Variants in SETD5 observed in about 807,000 individuals in gnomAD.
SETD5 encodes SET domain containing 5.
Under a neutral mutation model 153.3 loss-of-function variants are expected in SETD5, and 44 were observed. The observed-to-expected ratio is 0.29, with a 90% CI of 0.23 to 0.37. The LOEUF (loss-of-function observed/expected upper bound fraction) is 0.37, where lower values mean the gene tolerates loss of function less well. SETD5 is among the 10% of genes least tolerant of loss of function. The probability of loss-of-function intolerance (pLI) is 1.00; values close to 1 mark genes in which losing one functional copy is unlikely to be tolerated. For synonymous variants in SETD5, 716 were observed against 645.2 expected (o/e 1.11, Z -1.66); for missense variants, 1,544 against 1,768.0 (o/e 0.87, Z 2.27).
chr3:9,441,116 G>C (rs1224206227), intron 8 of SETD5, among the ~76,000 whole-genome samples: 1 of 152,108 alleles, frequency 6.6e-6, no homozygotes, highest in African/African-American at 2.4e-5. Flanking sequence ...GGGAGGCTGA[G>C]GTGGAAGGAT....
chr3:9,445,927 T>C (rs1273302584), intron 13 of SETD5, among the ~76,000 whole-genome samples, 187 bp downstream of exon 13: 2 of 151,286 alleles, frequency 1.3e-5, no homozygotes, highest in Admixed American at 6.6e-5. Flanking sequence ...CACAGTAGTT[T>C]TGTAGTGATT....
chr3:9,467,039 A>G (rs114290955), intron 18 of SETD5, among the ~76,000 whole-genome samples: 2 of 151,800 alleles, frequency 1.3e-5, no homozygotes, highest in South Asian at 2.1e-4. Context: ...AAAATAATTT[A>G]AAGACCAGCT....
chr3:9,462,473 G>A (rs2044077501), intron 17 of SETD5, among the ~76,000 whole-genome samples: 1 of 151,570 alleles, frequency 6.6e-6, no homozygotes, highest in Non-Finnish European at 1.5e-5. Flanking sequence ...TGTAGTCCCA[G>A]CTACTCGGGA....
Position 9,476,183 on chromosome 3 carries a change from A to C in SETD5, c.*92A>C, listed in dbSNP as rs2045837403. ...ACCTAGGCCGAGCATATTGCTGAGG[A>C]ACGGGGGGTACAAGGTGCCAGAGGA... On this transcript the variant is annotated 3_prime_UTR_variant, in exon 23 of 23. Coordinates refer to ENST00000402198, the MANE Select transcript of SETD5 (RefSeq NM_001080517.3). 6.8e-7 allele frequency: 1 copy of C among 1,471,174 alleles called. No individual in the cohort carries two copies. Among genetic ancestry groups the C allele is most frequent in the Non-Finnish European group, 9.1e-7 (1 of 1,104,458 alleles). 91.1% of individuals were successfully genotyped at this position (1,471,174 alleles called of 1,614,324 possible). A position where few individuals can be genotyped will look rare whatever the true frequency, so the allele number is the denominator to read the frequency against.
chr3:9,409,011 G>A (rs571235750), intron 1 of SETD5, among the ~76,000 whole-genome samples: 10 of 152,252 alleles, frequency 6.6e-5, no homozygotes, highest in African/African-American at 2.4e-4. Flanking sequence ...GAAGACAGCT[G>A]CTTTCTCATA....
intron 10 of SETD5, 194 bp from the exon 11 acceptor site, chr3:9,443,114 T>G (rs377708634): frequency 2.7e-5 from 13 of 483,138 alleles, no homozygotes; most frequent in Admixed American, 2.5e-4. Context: ...TTTAAGAAAG[T>G]ATTATAAATT....
At chr3:9,463,271 C>T (rs1292712964) in intron 17 of SETD5, among the ~76,000 whole-genome samples, 1 of 152,182 alleles carries the variant, frequency 6.6e-6, no homozygotes, top group East Asian at 1.9e-4. Context: ...ATCTGCCTGC[C>T]TCAGCCTCCC....
chr3:9,403,396 C>T (rs2035145373), intron 1 of SETD5, among the ~76,000 whole-genome samples: 1 of 152,150 alleles, frequency 6.6e-6, no homozygotes, highest in African/African-American at 2.4e-5. Context: ...AATACTCTAT[C>T]TGAATAAAAA....
chr3:9,408,023 GTAGA>G (rs926254905), intron 1 of SETD5, among the ~76,000 whole-genome samples: 54 of 152,010 alleles, frequency 3.6e-4, no homozygotes, highest in African/African-American at 1.3e-3. Flanking sequence ...TTAATCTTGT[GTAGA>G]TAGTGACCAC....
intron 3 of SETD5, 121 bp downstream of exon 3, chr3:9,429,130 A>T (rs1190621933): frequency 1.7e-6 from 1 of 594,772 alleles, no homozygotes; most frequent in Non-Finnish European, 2.9e-6. Flanking sequence ...CACTGTAATT[A>T]ACATTAGACC....
In SETD5 at chr3:9,475,491, G is replaced by A; in HGVS notation, c.3729G>A (p.Gln1243=). The part of the protein sequence containing the change: ...SPSRYSYQLL[Q]CDSPRTESQS... ...CTCCCAACTTTGTCTAGCTCCTGCA[G>A]TGTGATAGTCCTCGGACAGAATCAC... The change falls in exon 23 of 23, where the codon CAG becomes CAA. Residue 1243 remains glutamine, a synonymous_variant. Coordinates refer to ENST00000402198, the MANE Select transcript of SETD5 (RefSeq NM_001080517.3). 6.2e-7 allele frequency: 1 copy of A among 1,610,512 alleles called. No individual in the cohort carries two copies. Among genetic ancestry groups the A allele is most frequent in the East Asian group, 2.2e-5 (1 of 44,780 alleles).
Position 9,475,702 on chromosome 3 carries a change from T to A in SETD5, c.3940T>A (p.Phe1314Ile), listed in dbSNP as rs766805190. 24 of 1,613,840 alleles carry A rather than the reference T, an allele frequency of 1.5e-5. No individual in the cohort carries two copies. The highest frequency in any genetic ancestry group is 2.0e-5 in the Non-Finnish European group (24 of 1,179,874). Residue 1314 changes from phenylalanine (F) to isoleucine (I), a missense_variant, in exon 23 of 23, where the codon TTT (phenylalanine) becomes ATT (isoleucine). Coordinates refer to ENST00000402198, the MANE Select transcript of SETD5 (RefSeq NM_001080517.3). Reference sequence around the variant, plus strand: ...TGTGTCCACAGACTCGTTGGCCCCATTTACGGGGACACCAGGGTATTTTAG... The same window carrying A: ...TGTGTCCACAGACTCGTTGGCCCCAATTACGGGGACACCAGGGTATTTTAG... Reference protein sequence around the residue: ...HPVSTDSLAPFTGTPGYFSSQ... With the variant: ...HPVSTDSLAPITGTPGYFSSQ...
rs2045786453 is a variant in SETD5 at position 9,475,688 on chromosome 3, A to G, written c.3926A>G (p.Asp1309Gly). The change falls in exon 23 of 23, where the codon GAC becomes GGC. Residue 1309 changes from aspartate (D) to glycine (G), a missense_variant. Around this residue, in one of 9 missense-constraint regions of SETD5, gnomAD observed 302 missense variants for 277.6 expected, o/e 1.09. Coordinates refer to ENST00000402198, the MANE Select transcript of SETD5 (RefSeq NM_001080517.3). ...AGCCCCGCCCACCCTGTGTCCACAG[A>G]CTCGTTGGCCCCATTTACGGGGACA... ...YSSPAHPVST[D>G]SLAPFTGTPG... 6.2e-7 allele frequency: 1 copy of G among 1,613,706 alleles called. No individual in the cohort carries two copies. Among genetic ancestry groups the G allele is most frequent in the African/African-American group, 1.3e-5 (1 of 74,866 alleles).
intron 1 of SETD5, among the ~76,000 whole-genome samples, chr3:9,413,492 TA>T (rs1417072127): frequency 6.6e-6 from 1 of 152,106 alleles, no homozygotes; most frequent in Non-Finnish European, 1.5e-5. Context: ...TGCCCATCTG[TA>T]GTTTTGATCT....
rs1181087279 is a variant in SETD5, at chr3:9,477,794, G to T, written c.*1703G>T. On this transcript the variant is annotated 3_prime_UTR_variant, in exon 23 of 23. Transcript: ENST00000402198. ...GAGCATTGGGAGTGGAAATCATGTT[G>T]CCTGGGATGCTGGTTTCTTTGTATA... The T allele has an allele frequency of 6.6e-6, 1 of 151,464 alleles. No individual in the cohort carries two copies. The highest frequency in any genetic ancestry group is 2.4e-5 in the African/African-American group (1 of 41,084). The allele number at this position is 151,464 out of a possible 1,614,324, so 9.4% of individuals were successfully genotyped here.
intron 1 of SETD5, among the ~76,000 whole-genome samples, chr3:9,402,051 A>G (rs2034866260): frequency 1.3e-5 from 2 of 152,186 alleles, no homozygotes; most frequent in Non-Finnish European, 2.9e-5. Flanking sequence ...AAAATGATTG[A>G]TTTATCTTGT....
At chr3:9,398,724 T>G (rs2089552475) in intron 1 of SETD5, 1 of 152,278 alleles carries the variant, frequency 6.6e-6, no homozygotes, top group Non-Finnish European at 1.5e-5. Flanking sequence ...TCTTTCCCTC[T>G]GCGTGTAAGT....
At chr3:9,466,708 A>G (rs11927495) in intron 18 of SETD5, among the ~76,000 whole-genome samples, 4,971 of 152,166 alleles carry the variant, frequency 0.033, 140 homozygotes, top group South Asian at 0.053. Flanking sequence ...ACATTGTGAA[A>G]TATCAAAAAG....
intron 1 of SETD5, among the ~76,000 whole-genome samples, chr3:9,416,710 C>T (rs1322703964): frequency 6.6e-6 from 1 of 152,146 alleles, no homozygotes; most frequent in African/African-American, 2.4e-5. Flanking sequence ...AAACATGCCC[C>T]TCTTATGTAT....
Sources: allele counts gnomAD v4.1 joint callset (sites outside exome capture counted in the v4.1 genomes callset), GRCh38; gene constraint gnomAD v4.1.1; regional missense constraint gnomAD v4.1.1; transcripts MANE v1.5; gene names NCBI Gene and HGNC (gene_info 2026-07-23, HGNC 2026-07-21).